TAF4: variants seen among roughly 807,000 people sequenced by gnomAD.
TAF4 encodes TATA-box binding protein associated factor 4.
A neutral mutation model predicts 90.3 loss-of-function variants in TAF4; 9 were observed. The observed-to-expected ratio is 0.10, with a 90% CI of 0.06 to 0.17. TAF4 has a LOEUF of 0.17. TAF4 is among the 10% of genes least tolerant of loss of function. The probability of loss-of-function intolerance (pLI) is 1.00; values close to 1 mark genes in which losing one functional copy is unlikely to be tolerated. For missense variants in TAF4, 1,351 were observed against 1,370.7 expected (o/e 0.99, Z 0.23); for synonymous variants, 818 against 638.9 (o/e 1.28, Z -4.23).
intron 2 of TAF4, among the ~76,000 whole-genome samples, chr20:62,014,022 G>T (rs2055797218): frequency 1.1e-5 from 1 of 88,554 alleles, no homozygotes; most frequent in Non-Finnish European, 2.5e-5. Flanking sequence ...GGGTGTGGGT[G>T]TGTGTGTGTG....
At position 62,064,908 on chromosome 20, in the gene TAF4, G is replaced by A. The variant is rs1286622629; in HGVS notation, c.903C>T (p.Ala301=). The stretch of plus-strand genomic sequence containing the variant: ...CGGCGCTGCCCCCGTTCTGGGCGGC[G>A]GCGGGGGGCGGCACGGCGGGCGCGG... ...PTAAPAVPPP[A]AAQNGGSAGA... Residue 301 remains alanine, a synonymous_variant, in exon 1 of 15, where the codon GCC becomes GCT. Transcript: ENST00000252996. 15 of 683,792 alleles carry A rather than the reference G, an allele frequency of 2.2e-5. No individual in the cohort carries two copies. The South Asian group carries it at 7.0e-4, about 32-fold the overall frequency. 42.4% of individuals were successfully genotyped at this position (683,792 alleles called of 1,614,324 possible).
At chr20:62,057,531 A>G (rs1316972352) in intron 1 of TAF4, among the ~76,000 whole-genome samples, 3 of 152,228 alleles carry the variant, frequency 2.0e-5, no homozygotes, top group Non-Finnish European at 4.4e-5. Context: ...CACAACTTTG[A>G]GATCAAGATG....
intron 1 of TAF4, among the ~76,000 whole-genome samples, chr20:62,051,450 AG>A (rs1377744314): frequency 6.6e-6 from 1 of 152,088 alleles, no homozygotes; most frequent in African/African-American, 2.4e-5. Context: ...CCCTCCCCAC[AG>A]GGCCCTGGGA....
At chr20:62,027,410 G>A (rs2055881090) in intron 1 of TAF4, among the ~76,000 whole-genome samples, 1 of 152,182 alleles carries the variant, frequency 6.6e-6, no homozygotes, top group Non-Finnish European at 1.5e-5. Flanking sequence ...ACTGTTTTGT[G>A]ATTTAGTCAT....
At chr20:62,026,001 C>A (rs921363623) in intron 1 of TAF4, among the ~76,000 whole-genome samples, 21 of 152,248 alleles carry the variant, frequency 1.4e-4, no homozygotes, top group African/African-American at 4.6e-4. Context: ...GTGGATCACA[C>A]CCCAGTAAAG....
Position 61,978,877 on chromosome 20 carries a change from A to ATACAAATTTTTC in TAF4, c.3091-2554_3091-2543dup, listed in dbSNP as rs559922470. 9.1e-3 allele frequency: 1,393 copies of ATACAAATTTTTC among 153,654 alleles called. 23 individuals carry two copies. Among genetic ancestry groups the ATACAAATTTTTC allele is most frequent in the Non-Finnish European group, 0.013 (912 of 68,056 alleles). The allele number at this position is 153,654 out of a possible 1,614,324, so 9.5% of individuals were successfully genotyped here. ...TCTCCAGATTCTGTGAGTTTTATCA[A>ATACAAATTTTTC]TACAAATTTTTCTTCAAATTTTTCT... On this transcript the variant is annotated intron_variant, in intron 14 of 14. Transcript: ENST00000252996.
chr20:62,038,726 C>T (rs2055947635), intron 1 of TAF4, among the ~76,000 whole-genome samples: 1 of 152,122 alleles, frequency 6.6e-6, no homozygotes, highest in African/African-American at 2.4e-5. Flanking sequence ...ATCATAAAAC[C>T]GATCTATAGA....
chr20:62,044,382 T>C (rs1482297429), intron 1 of TAF4, among the ~76,000 whole-genome samples: 1 of 152,188 alleles, frequency 6.6e-6, no homozygotes, highest in Non-Finnish European at 1.5e-5. Flanking sequence ...ATGTGTATTT[T>C]GAACCACATA....
chr20:62,014,469 T>C (rs891796904), intron 2 of TAF4, 78 bp downstream of exon 2: 1 of 1,470,620 alleles, frequency 6.8e-7, no homozygotes, highest in Admixed American at 2.6e-5. Flanking sequence ...GCCTGGCCCT[T>C]GCAGGTTTCC....
At chr20:62,034,933 G>A (rs1012152656) in intron 1 of TAF4, among the ~76,000 whole-genome samples, 1 of 151,394 alleles carries the variant, frequency 6.6e-6, no homozygotes, top group African/African-American at 2.4e-5. Context: ...CCATTCTCCT[G>A]CCTCAGCCTC....
At chr20:62,029,183 G>A (rs1367870769) in intron 1 of TAF4, among the ~76,000 whole-genome samples, 3 of 147,902 alleles carry the variant, frequency 2.0e-5, no homozygotes, top group Non-Finnish European at 3.0e-5. Context: ...GCGACAGAGC[G>A]AGACTCTGTC....
At chr20:62,029,256 T>C (rs1329297003) in intron 1 of TAF4, among the ~76,000 whole-genome samples, 2 of 152,110 alleles carry the variant, frequency 1.3e-5, no homozygotes, top group South Asian at 2.1e-4. Context: ...TAGCTGTTTG[T>C]TGTACTCATT....
chr20:62,000,380 G>A (rs919915803), intron 10 of TAF4, 126 bp from the exon 11 acceptor site: 3 of 1,435,152 alleles, frequency 2.1e-6, no homozygotes, highest in Non-Finnish European at 2.8e-6. Flanking sequence ...AGGCTGGTGG[G>A]GTGGAAGGCA....
chr20:61,983,825 G>C (rs147175771), intron 14 of TAF4, among the ~76,000 whole-genome samples: 6 of 152,264 alleles, frequency 3.9e-5, no homozygotes, highest in Admixed American at 3.9e-4. Flanking sequence ...GCTACAGAGA[G>C]ACACGGAAAA....
rs769379616 is a variant in TAF4, at chr20:62,010,126, G to A, written c.1681C>T (p.Leu561Phe). Residue 561 changes from leucine (L) to phenylalanine (F), a missense_variant, in exon 4 of 15, where the codon CTT becomes TTT. Physicochemically the swap from Leu to Phe is conservative, Grantham distance 22. Around this residue, in one of 9 missense-constraint regions of TAF4, gnomAD observed 143 missense variants for 176.3 expected, o/e 0.81. Coordinates refer to ENST00000252996, the MANE Select transcript of TAF4 (RefSeq NM_003185.4). The surrounding 1 kb of genome is among the most constrained non-coding windows in gnomAD (Gnocchi z 4.5). ...VLGGAAQTASLGTATAVQTGT... is the reference protein window; with the variant it reads ...VLGGAAQTASFGTATAVQTGT... ...GTCTGAACAGCCGTCGCCGTCCCAA[G>A]TGAAGCCGTCTGGGCAGCGCCACCC... is the stretch of plus-strand genomic sequence containing the variant. The A allele has an allele frequency of 1.2e-6, 2 of 1,613,970 alleles. No homozygotes were observed. The highest frequency in any genetic ancestry group is 1.1e-5 in the South Asian group (1 of 91,078).
At chr20:62,046,596 T>C (rs1375224656) in intron 1 of TAF4, among the ~76,000 whole-genome samples, 1 of 152,232 alleles carries the variant, frequency 6.6e-6, no homozygotes, top group African/African-American at 2.4e-5. Flanking sequence ...TCACCACTCA[T>C]GGCAGGATGG....
rs1477655901 is a variant in TAF4, at chr20:61,975,649, G to T, written c.*519C>A. On this transcript the variant is annotated 3_prime_UTR_variant, in exon 15 of 15. Coordinates refer to ENST00000252996, the MANE Select transcript of TAF4 (RefSeq NM_003185.4). The stretch of plus-strand genomic sequence containing the variant: ...GATTCTCAGCGGAGTGGAGGGGAAG[G>T]GAGGGGAGGGGAGGGCAGGGGGCAG... 1 of 154,764 alleles carries T rather than the reference G, an allele frequency of 6.5e-6. No individual in the cohort carries two copies. Among genetic ancestry groups the T allele is most frequent in the East Asian group, 1.9e-4 (1 of 5,234 alleles). The allele number at this position is 154,764 out of a possible 1,614,324, so 9.6% of individuals were successfully genotyped here.
chr20:61,988,237 T>C (rs1436576683), intron 14 of TAF4, among the ~76,000 whole-genome samples: 1 of 146,794 alleles, frequency 6.8e-6, no homozygotes, highest in Admixed American at 6.9e-5. Flanking sequence ...TTGACGTGGG[T>C]TCATGGATTC....
Position 62,055,896 on chromosome 20 carries a change from G to C in TAF4, c.1360+8555C>G, listed in dbSNP as rs112164611. Among the ~76,000 whole-genome samples, 16 of 152,294 alleles carry C rather than the reference G, an allele frequency of 1.1e-4. 1 individual carries two copies. The highest frequency in any genetic ancestry group is 3.8e-4 in the African/African-American group (16 of 41,566). ...CTGGGACCCCCCACAGCTGAACCCT[G>C]GTACCCTCATCAGCCTTCCCCCGTG... On this transcript the variant is annotated intron_variant, in intron 1 of 14. Transcript: ENST00000252996.
Sources: gnomAD v4.1 joint callset for allele counts (sites outside exome capture counted in the v4.1 genomes callset) on GRCh38, gnomAD v4.1.1 for gene constraint, gnomAD v4.1.1 regional missense constraint, Gnocchi (gnomAD v3.1) non-coding constraint, MANE v1.5 for transcripts, NCBI Gene and HGNC (gene_info 2026-07-23, HGNC 2026-07-21) for gene names.